The following RP1 variants were observed in gnomAD, a reference collection of about 807,000 sequenced individuals.
RP1 encodes the protein RP1 axonemal microtubule associated.
A neutral mutation model predicts 14.8 loss-of-function variants in RP1; 16 were observed. The ratio of observed to expected loss-of-function variants is 1.08; its 90% confidence interval spans 0.73 to 1.65. The LOEUF (loss-of-function observed/expected upper bound fraction) is 1.65, where lower values mean the gene tolerates loss of function less well. Ranked by LOEUF, RP1 falls within the 40% of genes most tolerant of loss-of-function variation. The pLI is 0.00. For missense variants in RP1, 2,631 were observed against 2,535.0 expected, an observed-to-expected ratio of 1.04 and a Z score of -0.81; for synonymous variants, 876 against 883.6, an observed-to-expected ratio of 0.99 and a Z score of 0.15.
At chr8:54,864,192 G>A (rs915302272) in intron 27 of RP1, among the ~76,000 whole-genome samples, 1 of 152,152 alleles carries the variant, frequency 6.6e-6, no homozygotes, top group African/African-American at 2.4e-5. Context: ...GTCCATGGAT[G>A]AGGAAGGTGG....
chr8:54,616,773 A>C (rs1805726553), intron 1 of RP1, among the ~76,000 whole-genome samples: 3 of 152,248 alleles, frequency 2.0e-5, no homozygotes. Context: ...TGTGGTAGAA[A>C]ATTAAACTTA....
intron 24 of RP1, among the ~76,000 whole-genome samples, chr8:54,789,173 G>A (rs1422939492): frequency 2.6e-5 from 4 of 152,192 alleles, no homozygotes; most frequent in Admixed American, 2.0e-4. Context: ...AGAACTTGGC[G>A]ATAGCACTGC....
Position 54,625,974 on chromosome 8 carries a change from A to G in RP1, c.2092A>G (p.Lys698Glu). Reference protein sequence around the residue: ...GQLATKGILNKNERINTKGRI... With the variant: ...GQLATKGILNENERINTKGRI... The stretch of plus-strand genomic sequence containing the variant: ...GCTTGCAACCAAAGGAATTCTTAAT[A>G]AGAATGAGAGAATAAACACAAAAGG... The change falls in exon 4 of 4, where the codon AAG (lysine) becomes GAG (glutamate). Residue 698 changes from lysine to glutamate, a missense_variant. Coordinates refer to ENST00000220676, the MANE Select transcript of RP1 (RefSeq NM_006269.2). 1.9e-6 allele frequency: 3 copies of G among 1,614,018 alleles called. No homozygotes were observed. Among genetic ancestry groups the G allele is most frequent in the Non-Finnish European group, 2.5e-6 (3 of 1,179,958 alleles).
intron 6 of RP1, among the ~76,000 whole-genome samples, chr8:54,658,475 C>T (rs868103039): frequency 7.6e-5 from 10 of 131,252 alleles, no homozygotes; most frequent in Admixed American, 4.6e-4. Context: ...GGCGTGAACC[C>T]GGGAGGCGGA....
intron 15 of RP1, among the ~76,000 whole-genome samples, chr8:54,718,055 A>G (rs1595406): frequency 0.45 from 68,306 of 152,030 alleles, 17,113 homozygotes; most frequent in African/African-American, 0.68. Context: ...ACTAGAAAAT[A>G]CTGATGAAAA....
At chr8:54,709,875 T>A (rs1344210849) in intron 15 of RP1, among the ~76,000 whole-genome samples, 1 of 152,028 alleles carries the variant, frequency 6.6e-6, no homozygotes, top group Non-Finnish European at 1.5e-5. Context: ...TATGCTGGGG[T>A]GTTACTCAAA....
intron 12 of RP1, among the ~76,000 whole-genome samples, chr8:54,688,090 G>T (rs946218928): frequency 6.6e-6 from 1 of 152,054 alleles, no homozygotes; most frequent in Non-Finnish European, 1.5e-5. Flanking sequence ...TCACATGTTT[G>T]TTGGCTGCAT....
intron 6 of RP1, among the ~76,000 whole-genome samples, chr8:54,662,154 AT>A (rs1201601228): frequency 1.3e-5 from 2 of 152,096 alleles, no homozygotes; most frequent in African/African-American, 4.8e-5. Context: ...TGTTCTTAAT[AT>A]TCTGAGTATT....
rs1224115825 is a variant in RP1, at chr8:54,630,570, A to C, written c.*217A>C. ...CAGACTCAGGTTCTCTTATTTTGGA[A>C]GTTTCTATCTGGTTTTGTTCTGAAC... On this transcript the variant is annotated 3_prime_UTR_variant, in exon 4 of 4. Transcript: ENST00000220676. The C allele has an allele frequency of 7.6e-7, 1 of 1,317,122 alleles. No homozygotes were observed. Among genetic ancestry groups the C allele is most frequent in the African/African-American group, 1.5e-5 (1 of 66,154 alleles). The allele number at this position is 1,317,122 out of a possible 1,614,324, so 81.6% of individuals were successfully genotyped here. A position where few individuals can be genotyped will look rare whatever the true frequency, so the allele number is the denominator to read the frequency against.
At chr8:54,677,550 A>AC (rs574209061) in intron 8 of RP1, among the ~76,000 whole-genome samples, 1 of 152,004 alleles carries the variant, frequency 6.6e-6, no homozygotes, top group South Asian at 2.1e-4. Flanking sequence ...AACATACAAG[A>AC]CCCCATCTCT....
chr8:54,639,490 C>T (rs1563336052), intron 3 of RP1, among the ~76,000 whole-genome samples: 1 of 152,100 alleles, frequency 6.6e-6, no homozygotes, highest in Non-Finnish European at 1.5e-5. Flanking sequence ...AAATTGCCAA[C>T]TCCTTTCAAA....
At chr8:54,670,380 A>T (rs759727892) in intron 7 of RP1, among the ~76,000 whole-genome samples, 178 of 150,076 alleles carry the variant, frequency 1.2e-3, no homozygotes, top group Non-Finnish European at 2.0e-3. Context: ...GTTGCTGTCT[A>T]TTTCTCCCTT....
chr8:54,573,140 G>A (rs1475577569), intron 1 of RP1, among the ~76,000 whole-genome samples: 1 of 152,098 alleles, frequency 6.6e-6, no homozygotes. Context: ...TCTTGATTGT[G>A]AGAAGGATAT....
chr8:54,727,844 T>C (rs111371122), intron 17 of RP1, among the ~76,000 whole-genome samples: 1 of 151,254 alleles, frequency 6.6e-6, no homozygotes, highest in African/African-American at 2.4e-5. Flanking sequence ...ATGAAGGAAA[T>C]ATCCAGAGCA....
chr8:54,833,292 A>G lies in RP1; in HGVS notation c.3616-4158A>G, dbSNP rs1177404492. On this transcript the variant is annotated intron_variant, in intron 24 of 28. Transcript: ENST00000637698. ...CATAGAATTGGAAATGCCCTCATGCAAAAAGCTATACAAATATAGATATTG... is the reference window on the plus strand; with the variant it reads ...CATAGAATTGGAAATGCCCTCATGCGAAAAGCTATACAAATATAGATATTG... Among the ~76,000 whole-genome samples, 4 of 152,038 alleles carry G rather than the reference A, an allele frequency of 2.6e-5. No individual in the cohort carries two copies. In the East Asian group the frequency reaches 7.7e-4, roughly 29 times the overall value.
intron 18 of RP1, among the ~76,000 whole-genome samples, chr8:54,738,089 G>A (rs1034186616): frequency 3.9e-5 from 6 of 152,126 alleles, no homozygotes; most frequent in Non-Finnish European, 7.4e-5. Context: ...ATTTCTCCAA[G>A]TTAGAGATTG....
At chr8:54,677,841 C>CCTTT (rs1807331465) in intron 8 of RP1, among the ~76,000 whole-genome samples, 1 of 152,052 alleles carries the variant, frequency 6.6e-6, no homozygotes, top group Non-Finnish European at 1.5e-5. Context: ...TTGAGCTGGA[C>CCTTT]CTTTGCATAG....
At chr8:54,735,025 A>T (rs1585646669) in intron 18 of RP1, among the ~76,000 whole-genome samples, 1 of 152,046 alleles carries the variant, frequency 6.6e-6, no homozygotes, top group South Asian at 2.1e-4. Flanking sequence ...GTCAACTTCA[A>T]CTCAATTTAT....
At chr8:54,809,445 A>G (rs1052794313) in intron 24 of RP1, among the ~76,000 whole-genome samples, 2 of 152,200 alleles carry the variant, frequency 1.3e-5, no homozygotes, top group Non-Finnish European at 2.9e-5. Context: ...GATGGAGTCG[A>G]CTGCTGGCAT....
Sources: allele counts gnomAD v4.1 joint callset (sites outside exome capture counted in the v4.1 genomes callset), GRCh38; gene constraint gnomAD v4.1.1; transcripts MANE v1.5; gene names NCBI Gene and HGNC (gene_info 2026-07-23, HGNC 2026-07-21).